Variants in ZNF33A observed in about 807,000 individuals in gnomAD.
The protein encoded by ZNF33A is brain my041 protein.
ZNF33A carries 9 observed loss-of-function variants against 15.9 expected under a neutral mutation model. That is an observed-to-expected ratio of 0.57 (90% confidence interval 0.34 to 0.99). The LOEUF (loss-of-function observed/expected upper bound fraction) is 0.99, where lower values mean the gene tolerates loss of function less well. Ranked by LOEUF, ZNF33A falls within the 50% of genes least tolerant of loss-of-function variation. The probability of loss-of-function intolerance (pLI) is 0.02; values close to 1 mark genes in which losing one functional copy is unlikely to be tolerated. For missense variants in ZNF33A, 843 were observed against 941.6 expected, an observed-to-expected ratio of 0.90 and a Z score of 1.37; for synonymous variants, 294 against 324.2, an observed-to-expected ratio of 0.91 and a Z score of 1.00.
downstream of ZNF33A, chr10:38,064,624 A>G (rs1450274965): frequency 6.6e-6 from 1 of 152,662 alleles, no homozygotes. Flanking sequence ...ACTGGCTGGC[A>G]TCCTAAAGCC....
At chr10:38,024,273 CAATG>C (rs1465152959) in intron 4 of ZNF33A, among the ~76,000 whole-genome samples, 1 of 150,296 alleles carries the variant, frequency 6.7e-6, no homozygotes, top group East Asian at 1.9e-4. Flanking sequence ...TCTCTACTAA[CAATG>C]AACATATGGA....
At chr10:38,042,620 ATC>A (rs2065760124) in intron 4 of ZNF33A, among the ~76,000 whole-genome samples, 1 of 150,506 alleles carries the variant, frequency 6.6e-6, no homozygotes, top group Non-Finnish European at 1.5e-5. Flanking sequence ...GTAGGATCCC[ATC>A]TCATTGCAGC....
At chr10:38,064,190 C>A, downstream of ZNF33A, 1 of 1,429,192 alleles carries the variant, frequency 7.0e-7, no homozygotes, top group Non-Finnish European at 9.6e-7. Context: ...ATGGCCTTCC[C>A]TTCTTCCAAA....
chr10:38,035,064 C>A (rs1179320529), intron 4 of ZNF33A, among the ~76,000 whole-genome samples: 1 of 151,554 alleles, frequency 6.6e-6, no homozygotes, highest in Non-Finnish European at 1.5e-5. Flanking sequence ...ATTACCATAC[C>A]CAACAGTAAG....
intron 2 of ZNF33A, among the ~76,000 whole-genome samples, chr10:38,015,428 G>A (rs1309587292): frequency 6.6e-6 from 1 of 151,876 alleles, no homozygotes; most frequent in Non-Finnish European, 1.5e-5. Flanking sequence ...GTCTCAGCCT[G>A]GTGTCTCAGC....
chr10:38,015,715 A>G (rs989287958), intron 2 of ZNF33A, among the ~76,000 whole-genome samples: 1 of 152,194 alleles, frequency 6.6e-6, no homozygotes, highest in Admixed American at 6.5e-5. Context: ...TTGTGGCCCT[A>G]GTATCTGGGC....
At chr10:38,011,184 C>T (rs1226943828) in intron 1 of ZNF33A, among the ~76,000 whole-genome samples, 2 of 152,214 alleles carry the variant, frequency 1.3e-5, no homozygotes, top group Non-Finnish European at 2.9e-5. Flanking sequence ...TTGCATTCAT[C>T]CTCTTTAGGT....
upstream of ZNF33A, chr10:38,010,673 G>A: frequency 6.3e-7 from 1 of 1,587,460 alleles, no homozygotes; most frequent in Non-Finnish European, 8.5e-7. Flanking sequence ...GGCTACGTCT[G>A]CGTTTCCGCC....
intron 2 of ZNF33A, among the ~76,000 whole-genome samples, chr10:38,014,035 ATTTTTTTTTTTTT>A (rs10658326): frequency 0.2 from 16,370 of 80,502 alleles, 1,208 homozygotes; most frequent in East Asian, 0.27. Flanking sequence ...ATGATGTCTG[ATTTTTTTTTTTTT>A]TTTTTTTTTT....
Position 38,055,856 on chromosome 10 carries a change from G to A in ZNF33A, c.1732G>A (p.Glu578Lys), listed in dbSNP as rs779622228. Residue 578 changes from glutamate (E) to lysine (K), a missense_variant, in exon 5 of 5, where the codon GAG becomes AAG. Glu to Lys is a moderately conservative substitution (Grantham distance 56). Transcript: ENST00000432900. The stretch of plus-strand genomic sequence containing the variant: ...TCAACATTATAGAACACACACAGGG[G>A]AGAAACCCTACGAATGTCATGAATG... ...LSQHYRTHTG[E>K]KPYECHECGK... is the part of the protein sequence containing the mutation. The A allele has an allele frequency of 6.2e-7, 1 of 1,614,052 alleles. No individual in the cohort carries two copies. The highest frequency in any genetic ancestry group is 8.5e-7 in the Non-Finnish European group (1 of 1,179,988).
downstream of ZNF33A, among the ~76,000 whole-genome samples, chr10:38,067,482 C>T (rs1447567597): frequency 2.0e-5 from 3 of 152,152 alleles, no homozygotes; most frequent in African/African-American, 7.2e-5. Flanking sequence ...TTGAGATTCT[C>T]TTGGGAGACA....
At chr10:38,027,375 A>G (rs763328080) in intron 4 of ZNF33A, among the ~76,000 whole-genome samples, 2 of 151,734 alleles carry the variant, frequency 1.3e-5, no homozygotes, top group Non-Finnish European at 2.9e-5. Flanking sequence ...TTTTTTTAAG[A>G]GACAGAGTCT....
chr10:38,053,235 G>A (rs2066293876), intron 4 of ZNF33A, among the ~76,000 whole-genome samples: 1 of 152,116 alleles, frequency 6.6e-6, no homozygotes, highest in Non-Finnish European at 1.5e-5. Context: ...AATTGTGGAG[G>A]CTGGAAGTCT....
At chr10:38,017,598 A>G in intron 4 of ZNF33A, 1 of 376,926 alleles carries the variant, frequency 2.7e-6, no homozygotes. Context: ...TTGAATGTTT[A>G]CTATTCTTAC....
intron 4 of ZNF33A, among the ~76,000 whole-genome samples, chr10:38,033,991 G>A (rs914910064): frequency 2.0e-5 from 3 of 152,098 alleles, no homozygotes; most frequent in Admixed American, 6.6e-5. Context: ...GATTACAGGC[G>A]TGAGCTGCTG....
chr10:38,017,091 A>G (rs2064488378), intron 3 of ZNF33A, 76 bp downstream of exon 3: 3 of 1,544,356 alleles, frequency 1.9e-6, no homozygotes, highest in Admixed American at 2.0e-5. Context: ...GGCAGTCTGT[A>G]TAGTTTAATG....
rs1190814515 is a variant in ZNF33A, at chr10:38,047,379, C to T, written c.251-6996C>T. Among the ~76,000 whole-genome samples, 3 of 151,538 alleles carry T rather than the reference C, an allele frequency of 2.0e-5. No individual in the cohort carries two copies. In the East Asian group the frequency reaches 5.8e-4, roughly 29 times the overall value. On this transcript the variant is annotated intron_variant, in intron 4 of 4. Coordinates refer to ENST00000432900, the MANE Select transcript of ZNF33A (RefSeq NM_006954.2). Reference sequence around the variant, plus strand: ...GTGTGGTGGCTCACCCCTGTAATCCCAGCACTTTGGGAGGCCAAGGCCTGT... The same window carrying T: ...GTGTGGTGGCTCACCCCTGTAATCCTAGCACTTTGGGAGGCCAAGGCCTGT...
chr10:38,015,908 C>G (rs1055977895), intron 2 of ZNF33A: 1 of 989,030 alleles, frequency 1.0e-6, no homozygotes, highest in Non-Finnish European at 1.3e-6. Flanking sequence ...TAAACGAAAC[C>G]TGGTCCTGTA....
At chr10:38,014,035 ATTTTTTTTT>A (rs10658326) in intron 2 of ZNF33A, among the ~76,000 whole-genome samples, 46 of 80,386 alleles carry the variant, frequency 5.7e-4, no homozygotes, top group African/African-American at 2.2e-3. Flanking sequence ...ATGATGTCTG[ATTTTTTTTT>A]TTTTTTTTTT....
Sources: gnomAD v4.1 joint callset for allele counts (sites outside exome capture counted in the v4.1 genomes callset) on GRCh38, gnomAD v4.1.1 for gene constraint, MANE v1.5 for transcripts, NCBI Gene and HGNC (gene_info 2026-07-23, HGNC 2026-07-21) for gene names.